Variants in NAA25 observed in about 807,000 individuals in gnomAD.
NAA25 encodes N-terminal acetyltransferase B complex subunit NAA25.
NAA25 carries 30 observed loss-of-function variants against 132.5 expected under a neutral mutation model. The observed-to-expected ratio is 0.23, with a 90% CI of 0.17 to 0.31. NAA25 has a LOEUF of 0.31. NAA25 is among the 10% of genes least tolerant of loss of function. The probability of loss-of-function intolerance (pLI) is 1.00; values close to 1 mark genes in which losing one functional copy is unlikely to be tolerated. For synonymous variants in NAA25, 359 were observed against 401.9 expected (o/e 0.89, Z 1.28); for missense variants, 771 against 1,150.4 (o/e 0.67, Z 4.77).
chr12:112,038,019 A>G (rs1182854348), intron 22 of NAA25, among the ~76,000 whole-genome samples: 1 of 151,478 alleles, frequency 6.6e-6, no homozygotes, highest in Non-Finnish European at 1.5e-5. Flanking sequence ...TTGAATACTG[A>G]TTTTTTTTTC....
Position 112,068,895 on chromosome 12 carries a change from A to T in NAA25, c.1134T>A (p.Ala378=), listed in dbSNP as rs1328071151. The change falls in exon 11 of 24, where the codon GCT becomes GCA. Residue 378 remains alanine (A), a synonymous_variant. Coordinates refer to ENST00000261745, the MANE Select transcript of NAA25 (RefSeq NM_024953.4). ...DLKVFVDLLP[A]TQCTKFINQL... is the part of the protein sequence containing the mutation. ...TAGTACTTACTTTTGTACACTGTGT[A>T]GCAGGTAAGAGGTCAACAAACACCT... The T allele has an allele frequency of 1.9e-6, 3 of 1,606,570 alleles. No individual in the cohort carries two copies. Among genetic ancestry groups the T allele is most frequent in the Middle Eastern group, 3.3e-4 (2 of 6,042 alleles).
Position 112,040,554 on chromosome 12 carries a change from T to C in NAA25, c.2465A>G (p.Asp822Gly), listed in dbSNP as rs773822407. ...GTTACCATCTTTAACTTCTAAGAGG[T>C]CACCTTTACATTTACTGAAGACATC... is the stretch of plus-strand genomic sequence containing the variant. ...LKDVFSKCKG[D>G]LLEVKDGNLK... The change falls in exon 21 of 24, where the codon GAC (aspartate) becomes GGC (glycine). Residue 822 changes from aspartate (D) to glycine (G), a missense_variant. Transcript: ENST00000261745. 14 of 1,600,578 alleles carry C rather than the reference T, an allele frequency of 8.7e-6. No individual in the cohort carries two copies. In the South Asian group the frequency reaches 1.1e-4, roughly 13 times the overall value.
intron 23 of NAA25, among the ~76,000 whole-genome samples, chr12:112,031,367 T>C (rs1307085863): frequency 6.6e-6 from 1 of 152,252 alleles, no homozygotes; most frequent in African/African-American, 2.4e-5. Context: ...AGGTATTTGG[T>C]AGTGCTCAGT....
In NAA25 at chr12:112,087,605, T is replaced by C. The variant is rs114691875; in HGVS notation, c.402+78A>G. On this transcript the variant is annotated intron_variant, in intron 4 of 23. Coordinates refer to ENST00000261745, the MANE Select transcript of NAA25 (RefSeq NM_024953.4). Reference sequence around the variant, plus strand: ...CAATTCTACACACACACATACCCAGTGCAGTTAAATCACAAGAAAGAGACT... The same window carrying C: ...CAATTCTACACACACACATACCCAGCGCAGTTAAATCACAAGAAAGAGACT... The C allele has an allele frequency of 4.0e-4, 364 of 918,386 alleles. No homozygotes were observed. The African/African-American group carries it at 5.5e-3, about 14-fold the overall frequency. 56.9% of individuals were successfully genotyped at this position (918,386 alleles called of 1,614,324 possible).
chr12:112,074,690 G>A lies in NAA25; in HGVS notation c.851C>T (p.Pro284Leu). The A allele has an allele frequency of 6.2e-7, 1 of 1,607,360 alleles. No individual in the cohort carries two copies. Among genetic ancestry groups the A allele is most frequent in the Non-Finnish European group, 8.5e-7 (1 of 1,176,944 alleles). Residue 284 changes from proline to leucine, a missense_variant, in exon 9 of 24, where the codon CCT becomes CTT. Pro to Leu is a moderately conservative substitution (Grantham distance 98, BLOSUM62 -3). Around this residue, in one of 3 missense-constraint regions of NAA25, gnomAD observed 417 missense variants for 733.8 expected, o/e 0.57. Transcript: ENST00000261745. ...GACAACTTACTGTTCACCTTCAGCA[G>A]GAGGACTCCAGGCCTCTTCAATCAG... ...FRLIEEAWSPPAEGEHSLEGE... is the reference protein window; with the variant it reads ...FRLIEEAWSPLAEGEHSLEGE...
intron 1 of NAA25, among the ~76,000 whole-genome samples, chr12:112,107,742 TG>T: frequency 6.6e-6 from 1 of 152,270 alleles, no homozygotes; most frequent in East Asian, 1.9e-4. Context: ...TAAAAACCAC[TG>T]ACCTTGAAGC....
chr12:112,043,712 G>C lies in NAA25; in HGVS notation c.2163C>G (p.Ser721=), dbSNP rs779341242. Residue 721 remains serine (S), a synonymous_variant, in exon 18 of 24, where the codon TCC becomes TCG. Coordinates refer to ENST00000261745, the MANE Select transcript of NAA25 (RefSeq NM_024953.4). ...NSEKTAENGV[S]SRIDILRLLL... is the part of the protein sequence containing the mutation. ...GCAAACGAAGAATATCAATCCGGGA[G>C]GATACCCCATTCTCGGCAGTCTTCT... 8.7e-6 allele frequency: 14 copies of C among 1,614,170 alleles called. No homozygotes were observed. The highest frequency in any genetic ancestry group is 1.2e-5 in the Non-Finnish European group (14 of 1,180,036).
chr12:112,093,213 GATATTTTGGAAAATATCTT>G (rs1157053715), intron 1 of NAA25, 77 bp from the exon 2 acceptor site: 2 of 880,234 alleles, frequency 2.3e-6, no homozygotes, highest in Non-Finnish European at 3.7e-6. Context: ...ACTGGTATGA[GATATTTTGGAAAATATCTT>G]AATTTGCTAT....
Position 112,074,872 on chromosome 12 carries a change from GTAGGT to G in NAA25, c.777-113_777-109del, listed in dbSNP as rs2078873242. 4.1e-6 allele frequency: 3 copies of G among 738,988 alleles called. No individual in the cohort carries two copies. The East Asian group carries it at 8.5e-5, about 21-fold the overall frequency. 45.8% of individuals were successfully genotyped at this position (738,988 alleles called of 1,614,324 possible). Reference sequence around the variant, plus strand: ...TTTGTAAGTTATATTTTAGTATGTAGTAGGTTGGCTTACCCCCACCCACTCCATGT... The same window carrying G: ...TTTGTAAGTTATATTTTAGTATGTAGTGGCTTACCCCCACCCACTCCATGT... On this transcript the variant is annotated intron_variant, in intron 8 of 23. Coordinates refer to ENST00000261745, the MANE Select transcript of NAA25 (RefSeq NM_024953.4).
rs773307662 is a variant in NAA25, at chr12:112,054,575, C to A, written c.1448-7G>T. The A allele has an allele frequency of 2.4e-5, 38 of 1,611,732 alleles. No individual in the cohort carries two copies. The highest frequency in any genetic ancestry group is 3.1e-5 in the Non-Finnish European group (36 of 1,179,154). ...CACACAGTGGTCTCATCACCTAGAA[C>A]CAAAATACAGCATTATCCACTGATC... On this transcript the variant is annotated splice_region_variant and splice_polypyrimidine_tract_variant and intron_variant, in intron 13 of 23. Transcript: ENST00000261745.
At chr12:112,074,064 G>T (rs2078857056) in intron 9 of NAA25, among the ~76,000 whole-genome samples, 1 of 152,016 alleles carries the variant, frequency 6.6e-6, no homozygotes, top group South Asian at 2.1e-4. Flanking sequence ...CGGGCGCAAT[G>T]GCTCACACCT....
At chr12:112,050,399 G>A (rs879580835) in intron 15 of NAA25, among the ~76,000 whole-genome samples, 15 of 152,100 alleles carry the variant, frequency 9.9e-5, no homozygotes, top group Non-Finnish European at 1.5e-4. Context: ...TTTAGATCCC[G>A]AATGGATTCC....
chr12:112,106,391 TA>T (rs61309313), intron 1 of NAA25, among the ~76,000 whole-genome samples: 326 of 145,440 alleles, frequency 2.2e-3, no homozygotes, highest in African/African-American at 2.8e-3. Flanking sequence ...GTTTTTAGTT[TA>T]AAAAAAAAAA....
intron 1 of NAA25, among the ~76,000 whole-genome samples, chr12:112,102,111 C>T (rs1349439315): frequency 6.6e-6 from 1 of 151,154 alleles, no homozygotes. Context: ...TCAAGTGATC[C>T]ACCCAGGAGG....
chr12:112,084,793 A>C (rs1296491648), intron 4 of NAA25, among the ~76,000 whole-genome samples: 1 of 150,362 alleles, frequency 6.7e-6, no homozygotes, highest in East Asian at 2.0e-4. Flanking sequence ...CTCCATATCA[A>C]ATAAATAAAT....
At chr12:112,032,260 C>T (rs532086742) in intron 23 of NAA25, among the ~76,000 whole-genome samples, 2 of 152,248 alleles carry the variant, frequency 1.3e-5, no homozygotes, top group Admixed American at 1.3e-4. Context: ...GCCACTGTGC[C>T]CAGCCCATGT....
intron 1 of NAA25, among the ~76,000 whole-genome samples, chr12:112,103,175 T>C (rs1270502103): frequency 2.0e-5 from 3 of 152,102 alleles, no homozygotes; most frequent in Non-Finnish European, 2.9e-5. Context: ...TTAGTAGAGA[T>C]GGGGTTTTGC....
At chr12:112,094,240 CAAAAAAAAAA>C (rs199734463) in intron 1 of NAA25, among the ~76,000 whole-genome samples, 9,371 of 69,384 alleles carry the variant, frequency 0.14, 456 homozygotes, top group East Asian at 0.32. Context: ...GACTCTGTCT[CAAAAAAAAAA>C]AAAAAAAAAA....
Position 112,040,493 on chromosome 12 carries a change from A to G in NAA25, c.2526T>C (p.Val842=). ...KTHPTLLENL[V]FFVETISVIL... Reference sequence around the variant, plus strand: ...AACAAAAACTTACCTCAACAAAGAAAACTAGATTTTCTAAAAGAGTAGGAT... The same window carrying G: ...AACAAAAACTTACCTCAACAAAGAAGACTAGATTTTCTAAAAGAGTAGGAT... The change falls in exon 21 of 24, where the codon GTT becomes GTC. Residue 842 remains valine, a synonymous_variant. Coordinates refer to ENST00000261745, the MANE Select transcript of NAA25 (RefSeq NM_024953.4). The G allele has an allele frequency of 1.3e-6, 2 of 1,586,016 alleles. No individual in the cohort carries two copies. The highest frequency in any genetic ancestry group is 2.2e-5 in the South Asian group (2 of 89,250).
Sources: gnomAD v4.1 joint callset for allele counts (sites outside exome capture counted in the v4.1 genomes callset) on GRCh38, gnomAD v4.1.1 for gene constraint, gnomAD v4.1.1 regional missense constraint, MANE v1.5 for transcripts, NCBI Gene and HGNC (gene_info 2026-07-23, HGNC 2026-07-21) for gene names.